Variants in ARHGAP42 observed in about 807,000 individuals in gnomAD.
ARHGAP42 encodes rho GTPase-activating protein 42.
In ARHGAP42, 63 loss-of-function variants were observed where a neutral mutation model predicts 125.0. That is an observed-to-expected ratio of 0.50 (90% CI 0.41 to 0.62). ARHGAP42 has a LOEUF of 0.62. ARHGAP42 is among the 20% of genes least tolerant of loss of function. ARHGAP42 has a pLI of 0.00. For missense variants in ARHGAP42, 766 were observed against 1,024.2 expected (o/e 0.75, Z 3.44); for synonymous variants, 339 against 351.0 (o/e 0.97, Z 0.38).
chr11:100,879,239 A>AC (rs1209325548), intron 4 of ARHGAP42, among the ~76,000 whole-genome samples: 2 of 152,212 alleles, frequency 1.3e-5, no homozygotes, highest in East Asian at 3.9e-4. Context: ...GCTCTGTATC[A>AC]CTTTTTTGGT....
intron 1 of ARHGAP42, among the ~76,000 whole-genome samples, chr11:100,693,534 T>G (rs1402309511): frequency 6.6e-6 from 1 of 152,220 alleles, no homozygotes; most frequent in South Asian, 2.1e-4. Flanking sequence ...CATCTACCTC[T>G]CTTCTCATGA....
chr11:100,856,154 G>A (rs1332118735), intron 3 of ARHGAP42, among the ~76,000 whole-genome samples: 10 of 151,922 alleles, frequency 6.6e-5, no homozygotes, highest in East Asian at 1.9e-4. Context: ...TTGTGAATCC[G>A]GATGAAAGAG....
At chr11:100,878,354 G>C (rs1865872960) in intron 4 of ARHGAP42, among the ~76,000 whole-genome samples, 1 of 151,822 alleles carries the variant, frequency 6.6e-6, no homozygotes, top group Admixed American at 6.6e-5. Flanking sequence ...TTTCCTTTTG[G>C]GTTATATTGA....
chr11:100,910,568 A>G (rs76618698), intron 4 of ARHGAP42, among the ~76,000 whole-genome samples: 7,976 of 152,060 alleles, frequency 0.052, 383 homozygotes, highest in East Asian at 0.25. Flanking sequence ...CGCTTATTTC[A>G]GAGAAAATTC....
intron 1 of ARHGAP42, among the ~76,000 whole-genome samples, chr11:100,730,465 TA>T (rs1463669357): frequency 6.6e-6 from 1 of 152,230 alleles, no homozygotes. Flanking sequence ...GAAATTCAAT[TA>T]CAGCTGAAAA....
rs187610276 is a variant in ARHGAP42 at position 100,880,992 on chromosome 11, A to G, written c.384+21367A>G. Among the ~76,000 whole-genome samples, 151 of 151,928 alleles carry G rather than the reference A, an allele frequency of 9.9e-4. 1 individual carries two copies. The highest frequency in any genetic ancestry group is 4.8e-3 in the South Asian group (23 of 4,826). On this transcript the variant is annotated intron_variant, in intron 4 of 23. Transcript: ENST00000298815. Reference sequence around the variant, plus strand: ...GACTTCATTGTAGATTCTGGGCATTAGTCCTTTGTATAGATTGTGAAGATT... The same window carrying G: ...GACTTCATTGTAGATTCTGGGCATTGGTCCTTTGTATAGATTGTGAAGATT...
chr11:100,730,297 C>T (rs1387822321), intron 1 of ARHGAP42, among the ~76,000 whole-genome samples: 1 of 152,074 alleles, frequency 6.6e-6, no homozygotes, highest in East Asian at 1.9e-4. Flanking sequence ...TTTCTACTCT[C>T]TGCTAAGCAT....
chr11:100,943,306 A>T (rs1002390924), intron 9 of ARHGAP42, among the ~76,000 whole-genome samples: 4 of 151,980 alleles, frequency 2.6e-5, no homozygotes, highest in African/African-American at 9.7e-5. Flanking sequence ...GTTATCATTT[A>T]AGGCTCTAAT....
rs201630857 is a variant in ARHGAP42, at chr11:100,973,286, T to C, written c.1662T>C (p.Ile554=). ...AAACTGTGGCTGCTATGATGAATAT[T>C]AAATTTCAGAATATTGTGGTAGAAA... ...QEETVAAMMN[I]KFQNIVVEIL... Residue 554 remains isoleucine (I), a synonymous_variant, in exon 18 of 24, where the codon ATT becomes ATC. Coordinates refer to ENST00000298815, the MANE Select transcript of ARHGAP42 (RefSeq NM_152432.4). 9.9e-5 allele frequency: 153 copies of C among 1,550,876 alleles called. No homozygotes were observed. In the Middle Eastern group the frequency reaches 1.5e-3, roughly 15 times the overall value.
chr11:100,896,352 A>G (rs886950963), intron 4 of ARHGAP42, among the ~76,000 whole-genome samples: 5 of 152,234 alleles, frequency 3.3e-5, no homozygotes, highest in Non-Finnish European at 5.9e-5. Flanking sequence ...CTTTGGGTAT[A>G]TACCCAGTAA....
chr11:100,949,098 T>G (rs2135282562), intron 11 of ARHGAP42, among the ~76,000 whole-genome samples: 1 of 152,242 alleles, frequency 6.6e-6, no homozygotes, highest in Admixed American at 6.6e-5. Context: ...CACTGTCTGT[T>G]TTCTTAAAGA....
chr11:100,809,089 G>T (rs942713871), intron 3 of ARHGAP42, among the ~76,000 whole-genome samples: 1 of 152,084 alleles, frequency 6.6e-6, no homozygotes, highest in Non-Finnish European at 1.5e-5. Context: ...AAACTCTAAG[G>T]CCTCTAAGAG....
chr11:100,906,194 A>T (rs974459694), intron 4 of ARHGAP42, among the ~76,000 whole-genome samples: 10 of 152,148 alleles, frequency 6.6e-5, no homozygotes, highest in African/African-American at 2.4e-4. Context: ...TTATTCCCTT[A>T]TGTGAGCAGA....
intron 22 of ARHGAP42, among the ~76,000 whole-genome samples, chr11:100,979,592 C>T (rs1203080863): frequency 6.6e-6 from 1 of 152,036 alleles, no homozygotes; most frequent in Non-Finnish European, 1.5e-5. Context: ...GTGCTTGCTT[C>T]TAAAGTTCCT....
chr11:100,879,206 A>G (rs1395893193), intron 4 of ARHGAP42, among the ~76,000 whole-genome samples: 3 of 152,210 alleles, frequency 2.0e-5, no homozygotes, highest in African/African-American at 7.2e-5. Context: ...ATTCAAATGC[A>G]TAATACAAGT....
At chr11:100,739,340 A>G (rs1862131006) in intron 1 of ARHGAP42, among the ~76,000 whole-genome samples, 1 of 152,074 alleles carries the variant, frequency 6.6e-6, no homozygotes, top group Non-Finnish European at 1.5e-5. Context: ...TCTTGTTTTA[A>G]CCTGAAGAAC....
At chr11:100,859,417 T>A (rs1250964952) in intron 3 of ARHGAP42, 137 bp from the exon 4 acceptor site, 1 of 646,014 alleles carries the variant, frequency 1.5e-6, no homozygotes, top group African/African-American at 1.9e-5. Flanking sequence ...GAACTGTATA[T>A]AACATGTAAG....
chr11:100,949,890 A>G lies in ARHGAP42; in HGVS notation c.1123-27A>G. 3.5e-6 allele frequency: 5 copies of G among 1,418,524 alleles called. No homozygotes were observed. The South Asian group carries it at 4.1e-5, about 12-fold the overall frequency. The allele number at this position is 1,418,524 out of a possible 1,614,324, so 87.9% of individuals were successfully genotyped here. On this transcript the variant is annotated intron_variant, in intron 11 of 23. Transcript: ENST00000298815. The stretch of plus-strand genomic sequence containing the variant: ...TTGTGCTGGGTCATTAACTGGAAGT[A>G]ACTAATGGACATCCTTTGTTTTTTA...
intron 2 of ARHGAP42, among the ~76,000 whole-genome samples, chr11:100,782,993 A>G (rs566981713): frequency 4.0e-4 from 61 of 152,320 alleles, no homozygotes; most frequent in African/African-American, 1.4e-3. Flanking sequence ...TAGCATCACA[A>G]TCAACTGTGG....
Sources: allele counts gnomAD v4.1 joint callset (sites outside exome capture counted in the v4.1 genomes callset), GRCh38; gene constraint gnomAD v4.1.1; transcripts MANE v1.5; gene names NCBI Gene and HGNC (gene_info 2026-07-23, HGNC 2026-07-21).